The following TAFA5 variants were observed in gnomAD, a reference collection of about 807,000 sequenced individuals.
The protein encoded by TAFA5 is chemokine-like protein TAFA-5.
Under a neutral mutation model 15.3 loss-of-function variants are expected in TAFA5, and 6 were observed. The observed-to-expected ratio is 0.39, with a 90% confidence interval of 0.21 to 0.77. The LOEUF is 0.77. Ranked by LOEUF, TAFA5 falls within the 30% of genes least tolerant of loss-of-function variation. The probability of loss-of-function intolerance (pLI) is 0.41; values close to 1 mark genes in which losing one functional copy is unlikely to be tolerated. For synonymous variants in TAFA5, 103 were observed against 80.7 expected (o/e 1.28, Z -1.48); for missense variants, 161 against 193.1 (o/e 0.83, Z 0.98).
chr22:48,636,222 C>G (rs1926440175), intron 1 of TAFA5, among the ~76,000 whole-genome samples: 1 of 152,210 alleles, frequency 6.6e-6, no homozygotes, highest in South Asian at 2.1e-4. Flanking sequence ...GCTAGCAACA[C>G]CAACATTATA....
intron 2 of TAFA5, among the ~76,000 whole-genome samples, chr22:48,698,824 C>T (rs1031742833): frequency 2.1e-4 from 32 of 150,962 alleles, no homozygotes; most frequent in South Asian, 1.0e-3. Context: ...CGCTTACCTG[C>T]GAGAGACCCT....
chr22:48,524,915 G>T (rs924618534), intron 1 of TAFA5, among the ~76,000 whole-genome samples: 1 of 152,126 alleles, frequency 6.6e-6, no homozygotes, highest in African/African-American at 2.4e-5. Flanking sequence ...ATCCAGGCGC[G>T]GGTTTCCTGT....
chr22:48,645,644 T>G (rs1926834506), intron 1 of TAFA5, among the ~76,000 whole-genome samples: 1 of 151,856 alleles, frequency 6.6e-6, no homozygotes, highest in African/African-American at 2.4e-5. Flanking sequence ...GGAGCAGAGG[T>G]GGTGTGACAA....
At chr22:48,578,608 C>T (rs1304049842) in intron 1 of TAFA5, among the ~76,000 whole-genome samples, 5 of 152,310 alleles carry the variant, frequency 3.3e-5, no homozygotes, top group South Asian at 2.1e-4. Context: ...GTCAGCTGTA[C>T]GCTGAGGGCA....
chr22:48,692,456 G>C (rs998132670), intron 2 of TAFA5, among the ~76,000 whole-genome samples: 40 of 152,170 alleles, frequency 2.6e-4, no homozygotes, highest in Non-Finnish European at 4.8e-4. Context: ...AAGAGACTGA[G>C]TCTCGCCGTG....
rs1930436348 is a variant in TAFA5, at chr22:48,749,992, C to G, written c.*145C>G. 1 of 815,044 alleles carries G rather than the reference C, an allele frequency of 1.2e-6. No homozygotes were observed. The allele number at this position is 815,044 out of a possible 1,614,324, so 50.5% of individuals were successfully genotyped here. A position where few individuals can be genotyped will look rare whatever the true frequency, so the allele number is the denominator to read the frequency against. On this transcript the variant is annotated 3_prime_UTR_variant, in exon 4 of 4. Coordinates refer to ENST00000402357, the MANE Select transcript of TAFA5 (RefSeq NM_001082967.3). ...TTCCCTGTGGTCCGTGAAGGACGGCCTCAGGCCTTGGCATCCTGAGCTTCG... is the reference window on the plus strand; with the variant it reads ...TTCCCTGTGGTCCGTGAAGGACGGCGTCAGGCCTTGGCATCCTGAGCTTCG...
intron 1 of TAFA5, among the ~76,000 whole-genome samples, chr22:48,608,249 AG>A (rs1466665203): frequency 6.6e-6 from 1 of 152,210 alleles, no homozygotes; most frequent in Non-Finnish European, 1.5e-5. Flanking sequence ...GAAACACCTC[AG>A]GAGACCCTGT....
chr22:48,711,629 A>G (rs901114162), intron 3 of TAFA5, among the ~76,000 whole-genome samples: 14 of 152,238 alleles, frequency 9.2e-5, no homozygotes, highest in African/African-American at 3.1e-4. Context: ...TTAGCGCTAC[A>G]TGAGATTTCA....
At chr22:48,736,260 C>T (rs1297616271) in intron 3 of TAFA5, among the ~76,000 whole-genome samples, 1 of 58,834 alleles carries the variant, frequency 1.7e-5, no homozygotes, top group East Asian at 2.4e-4. Context: ...GGTCCCTCCC[C>T]GCAGGAGGAA....
Position 48,683,545 on chromosome 22 carries a change from G to A in TAFA5, c.263-24172G>A, listed in dbSNP as rs16999711. 7.6e-3 allele frequency among the ~76,000 whole-genome samples: 1,155 copies of A among 152,308 alleles called. 20 individuals are homozygous for A. The highest frequency in any genetic ancestry group is 0.025 in the African/African-American group (1,059 of 41,568). On this transcript the variant is annotated intron_variant, in intron 2 of 3. Transcript: ENST00000402357. ...GACGGGCTGAGGCCAGAGCCAGGTC[G>A]TTGGGCCACAGACCGTGCACTCGCT...
At chr22:48,584,612 G>A (rs1015923598) in intron 1 of TAFA5, among the ~76,000 whole-genome samples, 8 of 116,776 alleles carry the variant, frequency 6.9e-5, no homozygotes, top group Non-Finnish European at 1.1e-4. Context: ...CACCACACAC[G>A]CATGCACACA....
At chr22:48,596,585 T>C (rs1036139791) in intron 1 of TAFA5, among the ~76,000 whole-genome samples, 47 of 152,118 alleles carry the variant, frequency 3.1e-4, no homozygotes, top group African/African-American at 1.1e-3. Flanking sequence ...CAGGGTCCCG[T>C]GATAACAGCT....
At chr22:48,639,105 C>T (rs568107687) in intron 1 of TAFA5, among the ~76,000 whole-genome samples, 1 of 152,360 alleles carries the variant, frequency 6.6e-6, no homozygotes, top group Non-Finnish European at 1.5e-5. Context: ...GTGGGCAGGA[C>T]AGGCTGAGGA....
At chr22:48,645,766 C>T (rs747202979) in intron 1 of TAFA5, among the ~76,000 whole-genome samples, 3 of 151,990 alleles carry the variant, frequency 2.0e-5, no homozygotes, top group Non-Finnish European at 2.9e-5. Flanking sequence ...TCTGCATGGG[C>T]ACGTGCACCC....
At chr22:48,668,831 C>T (rs920998461) in intron 2 of TAFA5, among the ~76,000 whole-genome samples, 47 of 152,364 alleles carry the variant, frequency 3.1e-4, no homozygotes, top group African/African-American at 1.1e-3. Context: ...CCAGGATTAA[C>T]TTCCCTCCTG....
At chr22:48,687,500 CCTAA>C (rs1268907090) in intron 2 of TAFA5, among the ~76,000 whole-genome samples, 18 of 152,112 alleles carry the variant, frequency 1.2e-4, no homozygotes, top group African/African-American at 4.3e-4. Context: ...ATTTCCTGAA[CCTAA>C]CTATGAAGCC....
intron 1 of TAFA5, among the ~76,000 whole-genome samples, chr22:48,559,603 G>A (rs1321332535): frequency 3.3e-5 from 5 of 152,118 alleles, no homozygotes; most frequent in Non-Finnish European, 7.3e-5. Flanking sequence ...AGCCGTCACC[G>A]AGAGGGCTTT....
intron 1 of TAFA5, among the ~76,000 whole-genome samples, chr22:48,582,622 C>T (rs1475076169): frequency 4.0e-5 from 6 of 150,218 alleles, no homozygotes; most frequent in Non-Finnish European, 7.4e-5. Context: ...ACACAAAATA[C>T]ACCACACACC....
At chr22:48,729,552 G>C (rs1929811138) in intron 3 of TAFA5, among the ~76,000 whole-genome samples, 1 of 148,034 alleles carries the variant, frequency 6.8e-6, no homozygotes, top group Admixed American at 6.8e-5. Flanking sequence ...AGTCAGTCAA[G>C]TTGTAGAGCA....
Sources: gnomAD v4.1 joint callset for allele counts (sites outside exome capture counted in the v4.1 genomes callset) on GRCh38, gnomAD v4.1.1 for gene constraint, MANE v1.5 for transcripts, NCBI Gene and HGNC (gene_info 2026-07-23, HGNC 2026-07-21) for gene names.